The following PRKCE variants were observed in gnomAD, a reference collection of about 807,000 sequenced individuals.
PRKCE encodes protein kinase C epsilon type.
PRKCE carries 16 observed loss-of-function variants against 85.4 expected under a neutral mutation model. The observed-to-expected ratio is 0.19, with a 90% CI of 0.13 to 0.28. The LOEUF is 0.28. Ranked by LOEUF, PRKCE falls within the 10% of genes least tolerant of loss-of-function variation. PRKCE has a pLI of 1.00. For synonymous variants in PRKCE, 388 were observed against 371.5 expected (o/e 1.04, Z -0.51); for missense variants, 573 against 975.2 (o/e 0.59, Z 5.49).
chr2:45,846,066 G>T (rs1312443708), intron 2 of PRKCE, among the ~76,000 whole-genome samples: 3 of 152,274 alleles, frequency 2.0e-5, no homozygotes, highest in Non-Finnish European at 4.4e-5. Context: ...GGAAGCTCCA[G>T]TCTCAGTCCA....
intron 2 of PRKCE, among the ~76,000 whole-genome samples, chr2:45,864,428 A>T (rs1203899578): frequency 6.6e-6 from 1 of 152,228 alleles, no homozygotes; most frequent in African/African-American, 2.4e-5. Flanking sequence ...ATTTTTAGGA[A>T]CAATAGACTG....
chr2:45,656,178 G>A (rs767256484), intron 1 of PRKCE, among the ~76,000 whole-genome samples: 5 of 152,080 alleles, frequency 3.3e-5, no homozygotes, highest in Non-Finnish European at 5.9e-5. Context: ...TATTTTCCAC[G>A]TAGTCTTTTC....
intron 14 of PRKCE, among the ~76,000 whole-genome samples, chr2:46,173,607 G>A (rs768297640): frequency 2.6e-5 from 4 of 152,236 alleles, no homozygotes; most frequent in East Asian, 1.9e-4. Flanking sequence ...CCTTTCTTCT[G>A]TAGGTTTCTG....
At chr2:45,769,214 C>G (rs1685127784) in intron 1 of PRKCE, among the ~76,000 whole-genome samples, 1 of 152,194 alleles carries the variant, frequency 6.6e-6, no homozygotes. Context: ...TTTGTATACT[C>G]TTGACAAAAG....
chr2:46,149,499 G>T (rs1185265406), intron 12 of PRKCE, among the ~76,000 whole-genome samples: 4 of 152,240 alleles, frequency 2.6e-5, no homozygotes, highest in South Asian at 4.1e-4. Context: ...GAATGGGAAT[G>T]TCACCTCATG....
intron 14 of PRKCE, among the ~76,000 whole-genome samples, chr2:46,174,999 G>A (rs950157974): frequency 5.9e-5 from 9 of 152,020 alleles, no homozygotes; most frequent in Non-Finnish European, 7.4e-5. Context: ...CCGAGATCTG[G>A]TGTTACAGCC....
chr2:46,084,925 A>G (rs1319510041), intron 10 of PRKCE, among the ~76,000 whole-genome samples: 2 of 151,834 alleles, frequency 1.3e-5, no homozygotes, highest in Non-Finnish European at 2.9e-5. Flanking sequence ...AAAATCCTCC[A>G]TGGCCTCCCA....
At chr2:45,756,325 G>A (rs1370382293) in intron 1 of PRKCE, among the ~76,000 whole-genome samples, 3 of 152,210 alleles carry the variant, frequency 2.0e-5, no homozygotes, top group Non-Finnish European at 2.9e-5. Context: ...GGCTCTAGGG[G>A]TTCTGCTGGA....
At chr2:46,038,039 A>G (rs1707980667) in intron 10 of PRKCE, among the ~76,000 whole-genome samples, 1 of 152,196 alleles carries the variant, frequency 6.6e-6, no homozygotes, top group African/African-American at 2.4e-5. Flanking sequence ...TGGCACAGCA[A>G]CTTAATACCA....
chr2:46,022,512 A>G (rs1430142272), intron 10 of PRKCE, among the ~76,000 whole-genome samples: 2 of 152,190 alleles, frequency 1.3e-5, no homozygotes, highest in Admixed American at 6.5e-5. Flanking sequence ...TACCTAGTCT[A>G]TTGAGACAAC....
At chr2:45,984,136 C>G (rs1703123318) in intron 5 of PRKCE, among the ~76,000 whole-genome samples, 1 of 151,962 alleles carries the variant, frequency 6.6e-6, no homozygotes, top group South Asian at 2.1e-4. Flanking sequence ...CAGGGTTTCA[C>G]CATGTTGGCC....
At chr2:45,955,672 G>T in intron 2 of PRKCE, among the ~76,000 whole-genome samples, 1 of 152,008 alleles carries the variant, frequency 6.6e-6, no homozygotes, top group Non-Finnish European at 1.5e-5. Flanking sequence ...ACCCCCACAT[G>T]GATAAATAAA....
chr2:46,164,454 G>A (rs559202100), intron 14 of PRKCE, among the ~76,000 whole-genome samples: 4 of 152,330 alleles, frequency 2.6e-5, no homozygotes, highest in African/African-American at 9.6e-5. Context: ...GGAGCTCCAG[G>A]TTTCCTCTGT....
At chr2:45,893,628 C>T (rs1430432870) in intron 2 of PRKCE, among the ~76,000 whole-genome samples, 6 of 151,738 alleles carry the variant, frequency 4.0e-5, no homozygotes, top group Non-Finnish European at 7.4e-5. Context: ...TCCCAAAGTG[C>T]TGGGATTACA....
At chr2:45,682,157 A>G (rs1406654221) in intron 1 of PRKCE, among the ~76,000 whole-genome samples, 1 of 152,186 alleles carries the variant, frequency 6.6e-6, no homozygotes, top group Non-Finnish European at 1.5e-5. Context: ...TGACATACAA[A>G]CTGCCCATAT....
In PRKCE at chr2:45,677,352, GTT is replaced by G. The variant is rs1209642358; in HGVS notation, c.348+24918_348+24919del. On this transcript the variant is annotated intron_variant, in intron 1 of 14. Transcript: ENST00000306156. ...TTTTGTTTTTTTTTTTGTTGTTGTTGTTTTTTTTTTTTTTTGAGACGGAGTCT... is the reference window on the plus strand; with the variant it reads ...TTTTGTTTTTTTTTTTGTTGTTGTTGTTTTTTTTTTTTTGAGACGGAGTCT... 7.5e-3 allele frequency among the ~76,000 whole-genome samples: 1,058 copies of G among 140,774 alleles called. 16 individuals carry two copies. Among genetic ancestry groups the G allele is most frequent in the African/African-American group, 0.025 (966 of 38,250 alleles). The allele number at this position is 140,774 out of a possible 152,430, so 92.4% of individuals were successfully genotyped here.
intron 2 of PRKCE, among the ~76,000 whole-genome samples, chr2:45,970,219 ATAAT>A (rs1702017796): frequency 6.6e-6 from 1 of 152,232 alleles, no homozygotes; most frequent in African/African-American, 2.4e-5. Context: ...ATAATGGATA[ATAAT>A]TTTAAAACAA....
At chr2:45,871,181 C>A (rs1010969695) in intron 2 of PRKCE, among the ~76,000 whole-genome samples, 4 of 152,192 alleles carry the variant, frequency 2.6e-5, no homozygotes, top group African/African-American at 9.7e-5. Context: ...ATGGAAGCCC[C>A]CTTCCTCAGT....
intron 2 of PRKCE, among the ~76,000 whole-genome samples, chr2:45,958,282 G>A (rs1457988763): frequency 6.6e-6 from 1 of 151,332 alleles, no homozygotes; most frequent in Non-Finnish European, 1.5e-5. Flanking sequence ...GGCCAAGGTG[G>A]GCAGATCACG....
Sources: allele counts gnomAD v4.1 joint callset (sites outside exome capture counted in the v4.1 genomes callset), GRCh38; gene constraint gnomAD v4.1.1; transcripts MANE v1.5; gene names NCBI Gene and HGNC (gene_info 2026-07-23, HGNC 2026-07-21).